Variants in PCMTD1 observed in about 807,000 individuals in gnomAD.
PCMTD1 encodes protein-L-isoaspartate (D-aspartate) O-methyltransferase domain containing 1, also known as protein-L-isoaspartate O-methyltransferase domain-containing protein 1.
In PCMTD1, 12 loss-of-function variants were observed where a neutral mutation model predicts 37.6. The observed-to-expected ratio is 0.32, with a 90% confidence interval of 0.20 to 0.52. PCMTD1 has a LOEUF of 0.52. PCMTD1 is among the 20% of genes least tolerant of loss of function. PCMTD1 has a pLI of 0.97. For missense variants in PCMTD1, 235 were observed against 421.3 expected (o/e 0.56, Z 3.87); for synonymous variants, 117 against 135.8 (o/e 0.86, Z 0.96).
At chr8:51,822,017 G>T (rs1187972093) in intron 5 of PCMTD1, among the ~76,000 whole-genome samples, 1 of 152,192 alleles carries the variant, frequency 6.6e-6, no homozygotes, top group Non-Finnish European at 1.5e-5. Flanking sequence ...TTACAGGCGT[G>T]AGCCACCGTG....
At position 51,833,513 on chromosome 8, in the gene PCMTD1, G is replaced by A; in HGVS notation, c.582+5C>T. ...GCCACTAAAGAAAAGGAGAGTGGAAGTTACCTGATCCTCTATAGGCATGAC... is the reference window on the plus strand; with the variant it reads ...GCCACTAAAGAAAAGGAGAGTGGAAATTACCTGATCCTCTATAGGCATGAC... On this transcript the variant is annotated splice_donor_5th_base_variant and intron_variant, in intron 4 of 5. Coordinates refer to ENST00000522514, the MANE Select transcript of PCMTD1 (RefSeq NM_052937.4). 1.3e-6 allele frequency: 2 copies of A among 1,598,918 alleles called. No homozygotes were observed. The highest frequency in any genetic ancestry group is 2.3e-5 in the East Asian group (1 of 44,126).
At chr8:51,878,464 A>G (rs1310253052) in intron 1 of PCMTD1, among the ~76,000 whole-genome samples, 1 of 152,186 alleles carries the variant, frequency 6.6e-6, no homozygotes, top group Non-Finnish European at 1.5e-5. Flanking sequence ...TTGTGAGTTA[A>G]AATGCAAGCA....
At chr8:51,848,942 G>A (rs866851733) in intron 2 of PCMTD1, 1 of 152,066 alleles carries the variant, frequency 6.6e-6, no homozygotes, top group Non-Finnish European at 1.5e-5. Flanking sequence ...ATAAAAGGCA[G>A]AATTTAAATA....
chr8:51,891,362 C>T (rs2038933130), intron 1 of PCMTD1, among the ~76,000 whole-genome samples: 1 of 151,940 alleles, frequency 6.6e-6, no homozygotes, highest in Non-Finnish European at 1.5e-5. Flanking sequence ...CAAGCCTGGG[C>T]AACATACTGA....
intron 2 of PCMTD1, among the ~76,000 whole-genome samples, chr8:51,858,970 C>A (rs946354468): frequency 6.6e-6 from 1 of 152,182 alleles, no homozygotes; most frequent in South Asian, 2.1e-4. Flanking sequence ...TGGCCACAGA[C>A]ATCTAATCTC....
chr8:51,851,585 T>C (rs1469863717), intron 2 of PCMTD1, among the ~76,000 whole-genome samples: 1 of 151,906 alleles, frequency 6.6e-6, no homozygotes, highest in Non-Finnish European at 1.5e-5. Flanking sequence ...TTCAATAAGC[T>C]GAGAATAAGG....
intron 1 of PCMTD1, among the ~76,000 whole-genome samples, chr8:51,889,868 G>T (rs1334379471): frequency 5.4e-5 from 1 of 18,564 alleles, no homozygotes; most frequent in Non-Finnish European, 2.8e-3. Flanking sequence ...GGATATACGT[G>T]TGTGTGTGTG....
intron 2 of PCMTD1, among the ~76,000 whole-genome samples, chr8:51,851,658 CTTT>C (rs11287024): frequency 1.4e-5 from 2 of 142,484 alleles, no homozygotes; most frequent in Admixed American, 7.0e-5. Flanking sequence ...GACTCAAATT[CTTT>C]TTTTTTTTTT....
chr8:51,882,299 G>T (rs557968757), intron 1 of PCMTD1, among the ~76,000 whole-genome samples: 1 of 152,138 alleles, frequency 6.6e-6, no homozygotes, highest in South Asian at 2.1e-4. Flanking sequence ...TGACGCTATT[G>T]GATCAGGGCC....
intron 1 of PCMTD1, among the ~76,000 whole-genome samples, chr8:51,896,996 G>A (rs775167303): frequency 5.9e-5 from 9 of 151,764 alleles, no homozygotes; most frequent in African/African-American, 9.7e-5. Flanking sequence ...AAATATATGA[G>A]CATATTATTA....
chr8:51,821,798 G>A (rs1227850038), intron 5 of PCMTD1, among the ~76,000 whole-genome samples: 5 of 151,164 alleles, frequency 3.3e-5, no homozygotes, highest in South Asian at 2.1e-4. Flanking sequence ...GTGCAGTGGC[G>A]TGATCTCAGC....
At chr8:51,849,991 T>C in intron 2 of PCMTD1, 1 of 692,930 alleles carries the variant, frequency 1.4e-6, no homozygotes, top group Admixed American at 2.1e-5. Context: ...TTACAGAACA[T>C]AGCCACAGGC....
chr8:51,896,738 T>C (rs1449532539), intron 1 of PCMTD1, among the ~76,000 whole-genome samples: 1 of 152,212 alleles, frequency 6.6e-6, no homozygotes, highest in East Asian at 1.9e-4. Flanking sequence ...TGTGATTACA[T>C]TCATGTAGTT....
chr8:51,828,062 T>C (rs2037946932), intron 5 of PCMTD1, among the ~76,000 whole-genome samples: 1 of 152,098 alleles, frequency 6.6e-6, no homozygotes, highest in African/African-American at 2.4e-5. Flanking sequence ...AAGAAAACTA[T>C]CAGATAAAAA....
At chr8:51,890,201 A>G (rs1287152550) in intron 1 of PCMTD1, among the ~76,000 whole-genome samples, 1 of 152,212 alleles carries the variant, frequency 6.6e-6, no homozygotes, top group Admixed American at 6.5e-5. Context: ...AAAAGAATAA[A>G]GGTTCAAATT....
intron 1 of PCMTD1, among the ~76,000 whole-genome samples, chr8:51,873,553 T>C (rs959777039): frequency 2.0e-5 from 3 of 152,156 alleles, no homozygotes; most frequent in Non-Finnish European, 4.4e-5. Context: ...AGTTTTAATA[T>C]TGTCACATCC....
intron 2 of PCMTD1, among the ~76,000 whole-genome samples, chr8:51,846,068 A>G (rs2038214288): frequency 6.6e-6 from 1 of 152,202 alleles, no homozygotes; most frequent in African/African-American, 2.4e-5. Flanking sequence ...TGCCAAAAGA[A>G]TAGTATTTCT....
intron 5 of PCMTD1, among the ~76,000 whole-genome samples, chr8:51,826,077 C>T (rs1303593420): frequency 6.6e-6 from 1 of 152,146 alleles, no homozygotes; most frequent in Non-Finnish European, 1.5e-5. Flanking sequence ...ATGTTTACTG[C>T]AGCACTATTC....
intron 1 of PCMTD1, among the ~76,000 whole-genome samples, chr8:51,881,259 T>C (rs375292495): frequency 4.3e-5 from 6 of 140,964 alleles, no homozygotes; most frequent in Admixed American, 1.5e-4. Flanking sequence ...GTGTTGGTGG[T>C]GCCACTAAAC....
Sources: gnomAD v4.1 joint callset for allele counts (sites outside exome capture counted in the v4.1 genomes callset) on GRCh38, gnomAD v4.1.1 for gene constraint, MANE v1.5 for transcripts, NCBI Gene and HGNC (gene_info 2026-07-23, HGNC 2026-07-21) for gene names.